The following RBM17 variants were observed in gnomAD, a reference collection of about 807,000 sequenced individuals.
The protein encoded by RBM17 is splicing factor 45.
A neutral mutation model predicts 53.2 loss-of-function variants in RBM17; 7 were observed. The observed-to-expected ratio is 0.13, with a 90% confidence interval of 0.07 to 0.25. The LOEUF (loss-of-function observed/expected upper bound fraction) is 0.25, where lower values mean the gene tolerates loss of function less well. RBM17 is among the 10% of genes least tolerant of loss of function. The probability of loss-of-function intolerance (pLI) is 1.00; values close to 1 mark genes in which losing one functional copy is unlikely to be tolerated. For missense variants in RBM17, 257 were observed against 496.7 expected, an observed-to-expected ratio of 0.52 and a Z score of 4.59; for synonymous variants, 167 against 178.1, an observed-to-expected ratio of 0.94 and a Z score of 0.50.
chr10:6,110,404 C>T (rs1013046390), intron 7 of RBM17, among the ~76,000 whole-genome samples: 4 of 152,204 alleles, frequency 2.6e-5, no homozygotes, highest in Admixed American at 6.5e-5. Flanking sequence ...CATTTGCCTT[C>T]ATAACGTTTG....
chr10:6,098,563 G>GTTTTTTTTTTTTTT (rs398012715), intron 2 of RBM17, among the ~76,000 whole-genome samples: 4 of 46,666 alleles, frequency 8.6e-5, no homozygotes, highest in African/African-American at 3.2e-4. Context: ...CAGGTTTTTT[G>GTTTTTTTTTTTTTT]TTTTTTTTTT....
At chr10:6,101,738 T>C (rs1314619263) in intron 3 of RBM17, among the ~76,000 whole-genome samples, 1 of 152,214 alleles carries the variant, frequency 6.6e-6, no homozygotes, top group Non-Finnish European at 1.5e-5. Context: ...TGTCAAAAAA[T>C]ACAGGACTGT....
At chr10:6,105,401 T>C (rs1840734672) in intron 4 of RBM17, among the ~76,000 whole-genome samples, 1 of 152,228 alleles carries the variant, frequency 6.6e-6, no homozygotes, top group South Asian at 2.1e-4. Context: ...TGACTATCCC[T>C]TATTCAAAAA....
intron 2 of RBM17, 89 bp from the exon 3 acceptor site, chr10:6,101,182 G>T (rs1018338459): frequency 4.4e-5 from 30 of 686,538 alleles, no homozygotes; most frequent in South Asian, 3.0e-4. Context: ...AAGGTTTGTT[G>T]CAGGGACCAG....
chr10:6,091,885 A>G (rs539736942), intron 1 of RBM17, among the ~76,000 whole-genome samples: 2 of 152,182 alleles, frequency 1.3e-5, no homozygotes, highest in South Asian at 2.1e-4. Context: ...GGCAATAGTC[A>G]CTAAAGGCTT....
At chr10:6,105,765 A>G (rs578215654) in intron 4 of RBM17, among the ~76,000 whole-genome samples, 2 of 152,354 alleles carry the variant, frequency 1.3e-5, no homozygotes, top group South Asian at 4.1e-4. Context: ...AACATGTATT[A>G]AATATTAATA....
intron 4 of RBM17, 35 bp downstream of exon 4, chr10:6,105,132 G>C (rs746410798): frequency 6.3e-7 from 1 of 1,594,120 alleles, no homozygotes; most frequent in Admixed American, 1.7e-5. Flanking sequence ...ATATTTTACA[G>C]TTGAAATGTT....
chr10:6,110,017 A>G lies in RBM17; in HGVS notation c.594A>G (p.Ser198=). Residue 198 remains serine, a synonymous_variant, in exon 7 of 12, where the codon TCA becomes TCG. Coordinates refer to ENST00000379888, the MANE Select transcript of RBM17 (RefSeq NM_032905.5). The part of the protein sequence containing the change: ...LPRDFPYEED[S]RPRSQSSKAA... ...GAGATTTTCCTTATGAAGAGGACTC[A>G]AGACCTCGATCACAGTCTTCCAAAG... 1 of 1,612,680 alleles carries G rather than the reference A, an allele frequency of 6.2e-7. No individual in the cohort carries two copies. Among genetic ancestry groups the G allele is most frequent in the Non-Finnish European group, 8.5e-7 (1 of 1,179,126 alleles).
chr10:6,104,984 C>G lies in RBM17; in HGVS notation c.294C>G (p.Asp98Glu). 1 of 1,613,816 alleles carries G rather than the reference C, an allele frequency of 6.2e-7. No homozygotes were observed. The highest frequency in any genetic ancestry group is 1.1e-5 in the South Asian group (1 of 91,068). ...SAGEVLIPLA[D>E]EYDPMFPNDY... is the part of the protein sequence containing the mutation. ...GGGAAGTTCTGATTCCCTTAGCTGA[C>G]GAATATGACCCTATGTTTCCTAATG... Residue 98 changes from aspartate to glutamate, a missense_variant, in exon 4 of 12, where the codon GAC becomes GAG. This residue lies in a region of RBM17 where 127 missense variants were observed against 217.2 expected (regional missense o/e 0.58). Coordinates refer to ENST00000379888, the MANE Select transcript of RBM17 (RefSeq NM_032905.5).
intron 1 of RBM17, among the ~76,000 whole-genome samples, chr10:6,090,529 C>T (rs1324343955): frequency 6.6e-6 from 1 of 152,180 alleles, no homozygotes; most frequent in Non-Finnish European, 1.5e-5. Flanking sequence ...TCTGGAGGCT[C>T]TTGAGAGAAT....
rs142641641 is a variant in RBM17, at chr10:6,112,558, A to G, written c.856+197A>G. 1.6e-3 allele frequency: 964 copies of G among 614,902 alleles called. 6 individuals are homozygous for G. The African/African-American group carries it at 0.016, about 10-fold the overall frequency. 38.1% of individuals were successfully genotyped at this position (614,902 alleles called of 1,614,324 possible). A position where few individuals can be genotyped will look rare whatever the true frequency, so the allele number is the denominator to read the frequency against. ...ACTGCCACTTCCGTTTTGTGAAACCAGGAATCCTGAGGCTCATCTTTATTT... is the reference window on the plus strand; with the variant it reads ...ACTGCCACTTCCGTTTTGTGAAACCGGGAATCCTGAGGCTCATCTTTATTT... On this transcript the variant is annotated intron_variant, in intron 8 of 11. Coordinates refer to ENST00000379888, the MANE Select transcript of RBM17 (RefSeq NM_032905.5). This position sits in a 1 kb window ranked among gnomAD's most constrained non-coding sequence, Gnocchi z 4.4.
At chr10:6,093,581 AAAAT>A (rs1840521861) in intron 1 of RBM17, among the ~76,000 whole-genome samples, 1 of 152,216 alleles carries the variant, frequency 6.6e-6, no homozygotes, top group African/African-American at 2.4e-5. Context: ...TGTAGATGCA[AAAAT>A]AAATAAGTGA....
rs754288998 is a variant in RBM17, at chr10:6,109,966, A to C, written c.563-20A>C. 2.5e-6 allele frequency: 4 copies of C among 1,589,948 alleles called. No homozygotes were observed. The highest frequency in any genetic ancestry group is 1.3e-5 in the African/African-American group (1 of 74,078). ...TTTTCTATAGTATTTTGGTGAGCCT[A>C]CTTTATTTTTCTCCAATAGTACCCC... On this transcript the variant is annotated intron_variant, in intron 6 of 11. Coordinates refer to ENST00000379888, the MANE Select transcript of RBM17 (RefSeq NM_032905.5).
At chr10:6,103,902 C>T (rs946608123) in intron 3 of RBM17, among the ~76,000 whole-genome samples, 1 of 152,100 alleles carries the variant, frequency 6.6e-6, no homozygotes, top group African/African-American at 2.4e-5. Flanking sequence ...GACATTGTAC[C>T]TCCTGTAAGA....
intron 8 of RBM17, chr10:6,113,255 A>T (rs1387633036): frequency 3.0e-6 from 1 of 338,044 alleles, no homozygotes; most frequent in African/African-American, 2.1e-5. Context: ...GATGAGCAAA[A>T]ATTGCAAGTA....
intron 3 of RBM17, among the ~76,000 whole-genome samples, chr10:6,102,463 T>A (rs1463321018): frequency 6.6e-6 from 1 of 152,208 alleles, no homozygotes; most frequent in Non-Finnish European, 1.5e-5. Context: ...GTAGTTCTTC[T>A]GGAGGGGAAG....
At chr10:6,092,276 GTAA>G (rs1178947753) in intron 1 of RBM17, among the ~76,000 whole-genome samples, 8 of 152,174 alleles carry the variant, frequency 5.3e-5, no homozygotes, top group African/African-American at 1.4e-4. Flanking sequence ...TGTTGTCTAA[GTAA>G]TAATGTCAAC....
At chr10:6,098,153 C>A (rs988909757) in intron 2 of RBM17, among the ~76,000 whole-genome samples, 2 of 152,114 alleles carry the variant, frequency 1.3e-5, no homozygotes, top group African/African-American at 4.8e-5. Flanking sequence ...CTTTAGAGAT[C>A]TTTATGTTCT....
At position 6,113,622 on chromosome 10, in the gene RBM17, T is replaced by C. The variant is rs767202432; in HGVS notation, c.930+41T>C. On this transcript the variant is annotated intron_variant, in intron 9 of 11. Transcript: ENST00000379888. ...AAGCAAGCTCTCTGCCTGCCTAGAT[T>C]TGTGTGTGTCACCCCAGCCTACCCT... The C allele has an allele frequency of 5.2e-6, 7 of 1,344,966 alleles. No homozygotes were observed. The East Asian group carries it at 1.4e-4, about 26-fold the overall frequency. The allele number at this position is 1,344,966 out of a possible 1,614,324, so 83.3% of individuals were successfully genotyped here. A position where few individuals can be genotyped will look rare whatever the true frequency, so the allele number is the denominator to read the frequency against.
Sources: gnomAD v4.1 joint callset for allele counts (sites outside exome capture counted in the v4.1 genomes callset) on GRCh38, gnomAD v4.1.1 for gene constraint, gnomAD v4.1.1 regional missense constraint, Gnocchi (gnomAD v3.1) non-coding constraint, MANE v1.5 for transcripts, NCBI Gene and HGNC (gene_info 2026-07-23, HGNC 2026-07-21) for gene names.